MARS1: variants seen among roughly 807,000 people sequenced by gnomAD.
The protein encoded by MARS1 is methionine--tRNA ligase, cytoplasmic.
Under a neutral mutation model 119.5 loss-of-function variants are expected in MARS1, and 80 were observed. The ratio of observed to expected loss-of-function variants is 0.67; its 90% CI spans 0.56 to 0.81. The LOEUF is 0.81. Ranked by LOEUF, MARS1 falls within the 30% of genes least tolerant of loss-of-function variation. MARS1 has a pLI of 0.00. For synonymous variants in MARS1, 418 were observed against 433.4 expected (o/e 0.96, Z 0.44); for missense variants, 945 against 1,116.5 (o/e 0.85, Z 2.19).
intron 7 of MARS1, among the ~76,000 whole-genome samples, chr12:57,492,669 TCACACACACACACACACACACACACA>T (rs58931225): frequency 3.6e-5 from 5 of 139,526 alleles, no homozygotes; most frequent in Non-Finnish European, 6.3e-5. Flanking sequence ...CGACTCCATT[TCACACACACACACACACACACACACA>T]CACACACACA....
intron 7 of MARS1, among the ~76,000 whole-genome samples, chr12:57,492,797 A>AGAGGAAATCTAAT (rs1417947452): frequency 6.6e-6 from 1 of 152,090 alleles, no homozygotes; most frequent in African/African-American, 2.4e-5. Context: ...TGTTTCAGAG[A>AGAGGAAATCTAAT]GAGGAAATCT....
At chr12:57,514,626 G>A (rs961527549) in intron 15 of MARS1, 94 bp from the exon 16 acceptor site, 2 of 1,504,986 alleles carry the variant, frequency 1.3e-6, no homozygotes, top group Non-Finnish European at 9.2e-7. Flanking sequence ...CTGAGAGAAT[G>A]TACAGCTGTG....
At position 57,512,028 on chromosome 12, in the gene MARS1, T is replaced by C. The variant is rs761092163; in HGVS notation, c.1560T>C (p.Asp520=). 2.5e-6 allele frequency: 4 copies of C among 1,614,214 alleles called. No individual in the cohort carries two copies. The highest frequency in any genetic ancestry group is 3.4e-6 in the Non-Finnish European group (4 of 1,180,014). Residue 520 remains aspartate (D), a synonymous_variant, in exon 13 of 21, where the codon GAT becomes GAC. Coordinates refer to ENST00000262027, the MANE Select transcript of MARS1 (RefSeq NM_004990.4). The part of the protein sequence containing the change: ...FEDKVFYVWF[D]ATIGYLSITA... ...TCCAGGTATTCTATGTCTGGTTTGA[T>C]GCCACTATTGGCTATCTGTCCATCA...
At chr12:57,516,067 C>T (rs755994624) in intron 19 of MARS1, 76 bp downstream of exon 19, 2 of 1,477,194 alleles carry the variant, frequency 1.4e-6, no homozygotes, top group South Asian at 1.1e-5. Context: ...AAGTAGTCCT[C>T]ACCCATCACT....
chr12:57,493,819 A>ATAT (rs1565641251), intron 7 of MARS1, among the ~76,000 whole-genome samples: 2 of 1,166 alleles, frequency 1.7e-3, no homozygotes, highest in Non-Finnish European at 4.5e-3. Flanking sequence ...TGTATATTAT[A>ATAT]TATATTATAT....
chr12:57,489,068 G>A lies in MARS1; in HGVS notation c.159G>A (p.Leu53=). ...LTRPKVPVLQ[L]DSGNYLFSTS... ...GGCCTAAGGTCCCTGTCTTGCAGCT[G>A]GATAGCGGCAACTACCTCTTCTCCA... is the stretch of plus-strand genomic sequence containing the variant. The change falls in exon 2 of 21, where the codon CTG becomes CTA. Residue 53 remains leucine (L), a synonymous_variant. Coordinates refer to ENST00000262027, the MANE Select transcript of MARS1 (RefSeq NM_004990.4). 6.2e-7 allele frequency: 1 copy of A among 1,613,906 alleles called. No homozygotes were observed. The highest frequency in any genetic ancestry group is 8.5e-7 in the Non-Finnish European group (1 of 1,179,988).
chr12:57,512,718 G>A (rs1877580927), intron 14 of MARS1, 33 bp from the exon 15 acceptor site: 1 of 1,521,386 alleles, frequency 6.6e-7, no homozygotes, highest in Non-Finnish European at 9.1e-7. Flanking sequence ...TGTGATGTGA[G>A]CAGATGGTTC....
At position 57,516,643 on chromosome 12, in the gene MARS1, T is replaced by C; in HGVS notation, c.*62T>C. On this transcript the variant is annotated 3_prime_UTR_variant, in exon 21 of 21. Transcript: ENST00000262027. ...GGGACAGTAATAAATAAATGTACAA[T>C]CTCTATATACAAGCTGAGACCTTTC... 1 of 1,528,180 alleles carries C rather than the reference T, an allele frequency of 6.5e-7. No homozygotes were observed. The highest frequency in any genetic ancestry group is 8.8e-7 in the Non-Finnish European group (1 of 1,141,942). 94.7% of individuals were successfully genotyped at this position (1,528,180 alleles called of 1,614,324 possible). A position where few individuals can be genotyped will look rare whatever the true frequency, so the allele number is the denominator to read the frequency against.
At chr12:57,494,309 C>G (rs967630264) in intron 7 of MARS1, among the ~76,000 whole-genome samples, 1 of 147,212 alleles carries the variant, frequency 6.8e-6, no homozygotes, top group Non-Finnish European at 1.5e-5. Flanking sequence ...ATACTAAGCA[C>G]TTACTTCTTC....
chr12:57,514,576 GC>G (rs1877683202), intron 15 of MARS1, 143 bp from the exon 16 acceptor site: 1 of 926,004 alleles, frequency 1.1e-6, no homozygotes, highest in South Asian at 1.4e-5. Flanking sequence ...TTGTCTACTA[GC>G]TTGAGGGAGC....
chr12:57,500,602 T>C, intron 10 of MARS1, 80 bp downstream of exon 10: 14 of 1,397,568 alleles, frequency 1.0e-5, no homozygotes, highest in Non-Finnish European at 1.3e-5. Context: ...CCATTTAGGA[T>C]TTTTATTTTA....
Position 57,515,040 on chromosome 12 carries a change from A to C in MARS1, c.2186A>C (p.Lys729Thr), listed in dbSNP as rs1877719878. The C allele has an allele frequency of 6.2e-7, 1 of 1,614,070 alleles. No individual in the cohort carries two copies. Among genetic ancestry groups the C allele is most frequent in the South Asian group, 1.1e-5 (1 of 91,084 alleles). The stretch of plus-strand genomic sequence containing the variant: ...GTGAATGAGCCCTGGAAGCGGATTA[A>C]AGGCAGTGAGGCTGACAGGTAGGTA... ...IQVNEPWKRI[K>T]GSEADRQRAG... Residue 729 changes from lysine (K) to threonine (T), a missense_variant, in exon 17 of 21, where the codon AAA (lysine) becomes ACA (threonine). Coordinates refer to ENST00000262027, the MANE Select transcript of MARS1 (RefSeq NM_004990.4).
chr12:57,505,212 A>G (rs1227765921), intron 11 of MARS1, among the ~76,000 whole-genome samples: 1 of 145,184 alleles, frequency 6.9e-6, no homozygotes, highest in Non-Finnish European at 1.5e-5. Context: ...CCCACACTGG[A>G]GTGCAATGGC....
intron 11 of MARS1, among the ~76,000 whole-genome samples, chr12:57,505,139 G>C (rs577576440): frequency 6.6e-6 from 1 of 151,710 alleles, no homozygotes; most frequent in South Asian, 2.1e-4. Context: ...ATGAGCAACT[G>C]TGTCCAGCAT....
Position 57,515,347 on chromosome 12 carries a change from G to T in MARS1, c.2391+11G>T. On this transcript the variant is annotated intron_variant, in intron 18 of 20. Transcript: ENST00000262027. The stretch of plus-strand genomic sequence containing the variant: ...CACCAGATTGGCACAGTAGGTGGAA[G>T]AGCCAGCCTCTCTTAAAATTGATAC... 6.2e-7 allele frequency: 1 copy of T among 1,610,244 alleles called. No individual in the cohort carries two copies.
chr12:57,493,720 T>C (rs1385923671), intron 7 of MARS1, among the ~76,000 whole-genome samples: 2 of 11,986 alleles, frequency 1.7e-4, no homozygotes, highest in Non-Finnish European at 2.3e-4. Context: ...TTATATATTA[T>C]ATATTATATT....
chr12:57,515,093 A>G, intron 17 of MARS1, 35 bp downstream of exon 17: 1 of 1,614,064 alleles, frequency 6.2e-7, no homozygotes, highest in Non-Finnish European at 8.5e-7. Context: ...AAAGGCATAA[A>G]GTGGCTTGTA....
chr12:57,516,390 C>A, intron 20 of MARS1, 45 bp from the exon 21 acceptor site: 1 of 1,611,776 alleles, frequency 6.2e-7, no homozygotes, highest in Non-Finnish European at 8.5e-7. Context: ...CTAAATAGAT[C>A]TTTTTCTTGC....
intron 11 of MARS1, 40 bp from the exon 12 acceptor site, chr12:57,511,658 G>A: frequency 6.2e-7 from 1 of 1,610,486 alleles, no homozygotes; most frequent in South Asian, 1.1e-5. Context: ...AACCATATAT[G>A]AGACTTTCCT....
Sources: gnomAD v4.1 joint callset for allele counts (sites outside exome capture counted in the v4.1 genomes callset) on GRCh38, gnomAD v4.1.1 for gene constraint, MANE v1.5 for transcripts, NCBI Gene and HGNC (gene_info 2026-07-23, HGNC 2026-07-21) for gene names.